The following GSE1 variants were observed in gnomAD, a reference collection of about 807,000 sequenced individuals.
GSE1 encodes genetic suppressor element 1.
A neutral mutation model predicts 112.6 loss-of-function variants in GSE1; 32 were observed. That is an observed-to-expected ratio of 0.28 (90% CI 0.21 to 0.38). The LOEUF (loss-of-function observed/expected upper bound fraction) is 0.38, where lower values mean the gene tolerates loss of function less well. GSE1 is among the 10% of genes least tolerant of loss of function. The pLI is 1.00. For missense variants in GSE1, 2,348 were observed against 1,699.2 expected (o/e 1.38, Z -6.71); for synonymous variants, 1,115 against 735.6 (o/e 1.52, Z -8.35).
At chr16:85,627,958 C>A (rs926722558) in intron 1 of GSE1, among the ~76,000 whole-genome samples, 2 of 152,216 alleles carry the variant, frequency 1.3e-5, no homozygotes, top group Admixed American at 6.5e-5. Context: ...CATCGGTCTC[C>A]CTGGGGAGGG....
intron 1 of GSE1, among the ~76,000 whole-genome samples, chr16:85,337,232 A>G (rs2046510075): frequency 6.6e-6 from 1 of 151,506 alleles, no homozygotes; most frequent in Admixed American, 6.6e-5. Context: ...CCTAGGCAGC[A>G]CAGCCCCCTT....
chr16:85,405,278 T>A (rs796156505), intron 2 of GSE1, among the ~76,000 whole-genome samples: 4 of 496 alleles, frequency 8.1e-3, no homozygotes, highest in Admixed American at 0.062. Context: ...TCACTGTTAC[T>A]CTCAGGCCCC....
intron 1 of GSE1, among the ~76,000 whole-genome samples, chr16:85,563,225 A>C (rs2045602323): frequency 7.0e-6 from 1 of 142,748 alleles, no homozygotes; most frequent in African/African-American, 2.6e-5. Context: ...CGCCATATAG[A>C]TTTAAAGTCC....
intron 1 of GSE1, among the ~76,000 whole-genome samples, chr16:85,339,511 T>G (rs929148229): frequency 6.6e-6 from 1 of 152,072 alleles, no homozygotes; most frequent in African/African-American, 2.4e-5. Context: ...CTTCAGTCAA[T>G]TATTCCCTTC....
intron 1 of GSE1, among the ~76,000 whole-genome samples, chr16:85,241,556 G>A (rs1013203542): frequency 6.6e-6 from 1 of 151,318 alleles, no homozygotes; most frequent in East Asian, 2.0e-4. Flanking sequence ...CAGGGAGGGG[G>A]CCTTGGTGAG....
At chr16:85,276,902 G>A (rs770518534) in intron 1 of GSE1, among the ~76,000 whole-genome samples, 2 of 152,246 alleles carry the variant, frequency 1.3e-5, no homozygotes, top group Non-Finnish European at 2.9e-5. Context: ...AACCCCCAAG[G>A]CCGGGCTCTG....
chr16:85,644,240 G>A (rs1045838051), intron 2 of GSE1, among the ~76,000 whole-genome samples: 39 of 152,032 alleles, frequency 2.6e-4, no homozygotes, highest in African/African-American at 9.2e-4. Context: ...TCAGGAGGCT[G>A]AGGTGGGAGG....
chr16:85,463,222 C>T (rs980886549), intron 2 of GSE1: 27 of 485,702 alleles, frequency 5.6e-5, no homozygotes, highest in Non-Finnish European at 7.0e-5. Context: ...GAACCTGGCC[C>T]CGCACTCACC....
intron 2 of GSE1, among the ~76,000 whole-genome samples, 199 bp from the exon 3 acceptor site, chr16:85,648,353 C>T (rs531098997): frequency 3.9e-5 from 6 of 152,184 alleles, no homozygotes; most frequent in South Asian, 2.1e-4. Context: ...CCGGGGTAGA[C>T]TGAGCTGCTG....
At chr16:85,496,326 C>T (rs1447718887) in intron 2 of GSE1, among the ~76,000 whole-genome samples, 3 of 152,158 alleles carry the variant, frequency 2.0e-5, no homozygotes, top group African/African-American at 2.4e-5. Flanking sequence ...GTTTATGCTG[C>T]GTGAGCGATG....
chr16:85,544,256 C>T (rs1257293054), intron 2 of GSE1, among the ~76,000 whole-genome samples: 6 of 152,188 alleles, frequency 3.9e-5, no homozygotes, highest in African/African-American at 1.2e-4. Flanking sequence ...AATCATCCGG[C>T]CCCCAGTGTC....
At chr16:85,244,315 C>T (rs542202619) in intron 1 of GSE1, among the ~76,000 whole-genome samples, 1 of 152,078 alleles carries the variant, frequency 6.6e-6, no homozygotes, top group Non-Finnish European at 1.5e-5. Context: ...AAGGGAGGGG[C>T]CGTGAGCCAA....
At chr16:85,193,268 A>T (rs2074861928) in intron 1 of GSE1, among the ~76,000 whole-genome samples, 1 of 152,176 alleles carries the variant, frequency 6.6e-6, no homozygotes, top group South Asian at 2.1e-4. Context: ...TTGGAAAGGA[A>T]TGATAAACAC....
intron 1 of GSE1, among the ~76,000 whole-genome samples, chr16:85,599,030 A>G (rs1185661708): frequency 6.6e-5 from 10 of 152,228 alleles, no homozygotes; most frequent in African/African-American, 9.6e-5. Flanking sequence ...TAAATCTTCC[A>G]GTAACCGCAG....
chr16:85,650,087 C>T (rs2051207780), intron 3 of GSE1, among the ~76,000 whole-genome samples: 1 of 152,188 alleles, frequency 6.6e-6, no homozygotes, highest in Admixed American at 6.5e-5. Flanking sequence ...TCCTCTGCCC[C>T]TGAAGCCTCT....
chr16:85,544,453 C>T (rs954299538), intron 2 of GSE1, among the ~76,000 whole-genome samples: 9 of 152,172 alleles, frequency 5.9e-5, no homozygotes, highest in Non-Finnish European at 7.4e-5. Flanking sequence ...AAAGAGCAGG[C>T]GAGGAAGAGC....
intron 2 of GSE1, among the ~76,000 whole-genome samples, chr16:85,454,507 G>A: frequency 6.6e-6 from 1 of 152,224 alleles, no homozygotes; most frequent in East Asian, 1.9e-4. Flanking sequence ...ATGCAGCCAG[G>A]CTCCTGGGCA....
intron 1 of GSE1, among the ~76,000 whole-genome samples, chr16:85,557,066 G>T (rs1211546974): frequency 6.6e-6 from 1 of 152,026 alleles, no homozygotes; most frequent in African/African-American, 2.4e-5. Context: ...GAGGTTTGGG[G>T]AGCCCCTCCT....
At chr16:85,426,060 T>TGGATGGATGGAAGGAA (rs1555510022) in intron 2 of GSE1, among the ~76,000 whole-genome samples, 8 of 137,868 alleles carry the variant, frequency 5.8e-5, no homozygotes, top group South Asian at 4.9e-4. Context: ...GATGGATGGA[T>TGGATGGATGGAAGGAA]GGATGGATGG....
Sources: gnomAD v4.1 joint callset for allele counts (sites outside exome capture counted in the v4.1 genomes callset) on GRCh38, gnomAD v4.1.1 for gene constraint, MANE v1.5 for transcripts, NCBI Gene and HGNC (gene_info 2026-07-23, HGNC 2026-07-21) for gene names.